Variants in SHANK2 observed in about 807,000 individuals in gnomAD.
SHANK2 encodes the protein SH3 and multiple ankyrin repeat domains 2.
In SHANK2, 43 loss-of-function variants were observed where a neutral mutation model predicts 133.7. The observed-to-expected ratio is 0.32, with a 90% CI of 0.25 to 0.41. The LOEUF is 0.41. SHANK2 is among the 10% of genes least tolerant of loss of function. The pLI, the probability that SHANK2 is intolerant of heterozygous loss-of-function variation, is 1.00. For missense variants in SHANK2, 1,994 were observed against 2,235.8 expected (o/e 0.89, Z 2.18); for synonymous variants, 1,017 against 952.8 (o/e 1.07, Z -1.24).
chr11:71,118,434 A>T (rs1376860211), intron 4 of SHANK2, among the ~76,000 whole-genome samples: 1 of 152,178 alleles, frequency 6.6e-6, no homozygotes, highest in Non-Finnish European at 1.5e-5. Context: ...GGCGAAGGGA[A>T]AGCAAGCACC....
In SHANK2 at chr11:71,237,556, G is replaced by C. The variant is rs552969515; in HGVS notation, c.-112-12760C>G. ...AACAGTGGCTTATTAGATAGCTGTC[G>C]TTATCTCCAACCTAAAGATCACAAA... On this transcript the variant is annotated intron_variant, in intron 1 of 25. Coordinates refer to ENST00000601538, the MANE Select transcript of SHANK2 (RefSeq NM_012309.5). 5.3e-5 allele frequency among the ~76,000 whole-genome samples: 8 copies of C among 152,168 alleles called. No individual in the cohort carries two copies. The South Asian group carries it at 1.7e-3, about 32-fold the overall frequency.
At chr11:70,774,611 G>A (rs894463522) in intron 14 of SHANK2, among the ~76,000 whole-genome samples, 2 of 152,108 alleles carry the variant, frequency 1.3e-5, no homozygotes, top group African/African-American at 4.8e-5. Context: ...CACCGTGCCT[G>A]GTTGGGAGTG....
intron 14 of SHANK2, among the ~76,000 whole-genome samples, chr11:70,717,070 G>A (rs547475732): frequency 3.3e-5 from 5 of 152,352 alleles, no homozygotes; most frequent in Admixed American, 3.3e-4. Flanking sequence ...CGCGGAAGGA[G>A]CACACCGTCC....
chr11:71,213,715 T>C (rs1271093728), intron 2 of SHANK2, among the ~76,000 whole-genome samples: 6 of 152,190 alleles, frequency 3.9e-5, no homozygotes, highest in Non-Finnish European at 7.3e-5. Context: ...TCTACAAACA[T>C]GTCATCTCCC....
At chr11:70,869,932 C>T (rs1335708481) in intron 11 of SHANK2, among the ~76,000 whole-genome samples, 1 of 152,150 alleles carries the variant, frequency 6.6e-6, no homozygotes, top group African/African-American at 2.4e-5. Context: ...CCTTCTCACA[C>T]ACCCAGAAAC....
chr11:70,732,184 C>T (rs1946303846), intron 14 of SHANK2, among the ~76,000 whole-genome samples: 4 of 152,284 alleles, frequency 2.6e-5, no homozygotes, highest in East Asian at 1.9e-4. Flanking sequence ...CAACATCACA[C>T]GTAACATCAC....
chr11:71,076,804 C>T (rs1951225902), intron 8 of SHANK2, among the ~76,000 whole-genome samples: 1 of 152,250 alleles, frequency 6.6e-6, no homozygotes, highest in Non-Finnish European at 1.5e-5. Context: ...TCCAACTCCC[C>T]AGGCACAGTA....
intron 2 of SHANK2, among the ~76,000 whole-genome samples, chr11:71,189,262 C>T (rs1953739708): frequency 6.6e-6 from 1 of 152,250 alleles, no homozygotes; most frequent in African/African-American, 2.4e-5. Context: ...CATTTCCTGG[C>T]TCAGCGGTGC....
At chr11:70,840,047 G>T (rs1804468675) in intron 11 of SHANK2, among the ~76,000 whole-genome samples, 1 of 152,234 alleles carries the variant, frequency 6.6e-6, no homozygotes, top group Admixed American at 6.5e-5. Context: ...CCCTGGGGCT[G>T]AAGGCAGAGG....
intron 17 of SHANK2, among the ~76,000 whole-genome samples, chr11:70,643,921 G>A (rs566872315): frequency 3.9e-5 from 6 of 151,914 alleles, no homozygotes; most frequent in African/African-American, 7.3e-5. Context: ...AGGTGGAGGG[G>A]GGGGAGGAAC....
chr11:71,144,798 C>T (rs1486894719), intron 3 of SHANK2, among the ~76,000 whole-genome samples: 1 of 152,200 alleles, frequency 6.6e-6, no homozygotes, highest in East Asian at 1.9e-4. Flanking sequence ...ATTTCCTTCA[C>T]CATCTTTTTC....
chr11:71,213,838 TA>T (rs1355278206), intron 2 of SHANK2, among the ~76,000 whole-genome samples: 1 of 152,180 alleles, frequency 6.6e-6, no homozygotes, highest in African/African-American at 2.4e-5. Context: ...TTTTGACATC[TA>T]GGGGAGCCTC....
At chr11:71,193,959 C>G (rs537609593) in intron 2 of SHANK2, among the ~76,000 whole-genome samples, 1 of 152,188 alleles carries the variant, frequency 6.6e-6, no homozygotes. Flanking sequence ...AATAAGGTCA[C>G]GTTCTGAGTA....
At chr11:70,789,044 A>G (rs1947729831) in intron 14 of SHANK2, among the ~76,000 whole-genome samples, 2 of 152,162 alleles carry the variant, frequency 1.3e-5, no homozygotes, top group Non-Finnish European at 1.5e-5. Flanking sequence ...AGATGCTCCC[A>G]GTAAGGGCCC....
intron 17 of SHANK2, among the ~76,000 whole-genome samples, chr11:70,562,960 C>G (rs2059925284): frequency 6.6e-6 from 1 of 152,196 alleles, no homozygotes; most frequent in Non-Finnish European, 1.5e-5. Flanking sequence ...CAACCTCCAC[C>G]ACCTGGGTTC....
chr11:70,521,116 C>A (rs576377601), intron 17 of SHANK2, among the ~76,000 whole-genome samples: 187 of 152,330 alleles, frequency 1.2e-3, no homozygotes, highest in African/African-American at 4.4e-3. Flanking sequence ...ATACTGATAG[C>A]TTCAACAGAA....
intron 11 of SHANK2, among the ~76,000 whole-genome samples, chr11:70,843,803 G>A (rs1555062411): frequency 6.6e-6 from 1 of 152,134 alleles, no homozygotes; most frequent in African/African-American, 2.4e-5. Flanking sequence ...GGACACACGA[G>A]TCAACTTCCC....
chr11:70,717,500 C>T (rs576663276), intron 14 of SHANK2, among the ~76,000 whole-genome samples: 26 of 152,248 alleles, frequency 1.7e-4, no homozygotes, highest in South Asian at 6.2e-4. Flanking sequence ...AGCCTCGGGG[C>T]GCCCAGCAAG....
chr11:70,612,889 C>T (rs1402298736), intron 17 of SHANK2, among the ~76,000 whole-genome samples: 3 of 152,230 alleles, frequency 2.0e-5, no homozygotes, highest in South Asian at 2.1e-4. Flanking sequence ...CTGAGATTCA[C>T]GCGCCTTGAT....
Sources: gnomAD v4.1 joint callset for allele counts (sites outside exome capture counted in the v4.1 genomes callset) on GRCh38, gnomAD v4.1.1 for gene constraint, MANE v1.5 for transcripts, NCBI Gene and HGNC (gene_info 2026-07-23, HGNC 2026-07-21) for gene names.